The following MAML2 variants were observed in gnomAD, a reference collection of about 807,000 sequenced individuals.
MAML2 encodes the protein mastermind like transcriptional coactivator 2, also known as mastermind-like protein 2.
In MAML2, 22 loss-of-function variants were observed where a neutral mutation model predicts 96.1. That is an observed-to-expected ratio of 0.23 (90% CI 0.16 to 0.33). The LOEUF (loss-of-function observed/expected upper bound fraction) is 0.33, where lower values mean the gene tolerates loss of function less well. Among genes scored for constraint, MAML2 ranks in the 10% least tolerant of loss-of-function variants. The pLI is 1.00. For synonymous variants in MAML2, 561 were observed against 521.3 expected, an observed-to-expected ratio of 1.08 and a Z score of -1.04; for missense variants, 1,367 against 1,392.4, an observed-to-expected ratio of 0.98 and a Z score of 0.29.
chr11:96,247,696 G>A (rs764768404), intron 1 of MAML2, among the ~76,000 whole-genome samples: 2 of 152,098 alleles, frequency 1.3e-5, no homozygotes, highest in East Asian at 1.9e-4. Context: ...ACCCATTCTA[G>A]CACATTCTTC....
At chr11:96,264,784 AG>A (rs978769187) in intron 1 of MAML2, among the ~76,000 whole-genome samples, 1 of 152,252 alleles carries the variant, frequency 6.6e-6, no homozygotes, top group African/African-American at 2.4e-5. Flanking sequence ...AAACGTTGAA[AG>A]GAGTACAAAT....
At position 95,979,043 on chromosome 11, in the gene MAML2, C is replaced by G; in HGVS notation, c.3376G>C (p.Ala1126Pro). The stretch of plus-strand genomic sequence containing the variant: ...TTCAATAAAGAATCAATGAAATCAG[C>G]ATCACTGTTTAGGGCAGGGCCCATG... ...DNMGPALNSDADFIDSLLKTE... is the reference protein window; with the variant it reads ...DNMGPALNSDPDFIDSLLKTE... Residue 1126 changes from alanine to proline, a missense_variant, in exon 5 of 5, where the codon GCT becomes CCT. Transcript: ENST00000524717. 1 of 1,613,960 alleles carries G rather than the reference C, an allele frequency of 6.2e-7. No individual in the cohort carries two copies.
At chr11:96,030,376 T>C (rs1228198762) in intron 2 of MAML2, among the ~76,000 whole-genome samples, 2 of 152,058 alleles carry the variant, frequency 1.3e-5, no homozygotes, top group African/African-American at 4.8e-5. Context: ...ACAATGTGAA[T>C]TGGCTTTGGA....
intron 1 of MAML2, among the ~76,000 whole-genome samples, chr11:96,206,641 T>A (rs980067437): frequency 1.3e-5 from 2 of 152,162 alleles, no homozygotes; most frequent in Non-Finnish European, 2.9e-5. Context: ...GAGTAAAGGT[T>A]CATCAGGAAA....
intron 1 of MAML2, among the ~76,000 whole-genome samples, chr11:96,272,112 C>T (rs1180510453): frequency 6.6e-6 from 1 of 152,162 alleles, no homozygotes; most frequent in East Asian, 1.9e-4. Context: ...CTATTTAAAA[C>T]TGACTCCTTT....
rs533986123 is a variant in MAML2, at chr11:96,256,422, A to C, written c.513+84961T>G. ...AAACGACCACATTTCTTCCTGCCCC[A>C]CACACAGCCTTTGCTCTTCCCTCTG... On this transcript the variant is annotated intron_variant, in intron 1 of 4. Coordinates refer to ENST00000524717, the MANE Select transcript of MAML2 (RefSeq NM_032427.4). Among the ~76,000 whole-genome samples the C allele has an allele frequency of 2.0e-5, 3 of 152,218 alleles. No homozygotes were observed. In the East Asian group the frequency reaches 5.8e-4, roughly 29 times the overall value.
intron 2 of MAML2, among the ~76,000 whole-genome samples, chr11:96,047,693 G>A (rs534179794): frequency 1.1e-4 from 16 of 152,108 alleles, no homozygotes; most frequent in African/African-American, 2.2e-4. Context: ...GGTAGATCAC[G>A]AAGTCACGAG....
intron 2 of MAML2, among the ~76,000 whole-genome samples, chr11:96,021,637 G>A (rs183427912): frequency 1.3e-5 from 2 of 152,308 alleles, no homozygotes; most frequent in East Asian, 3.9e-4. Flanking sequence ...TGGTACAGCG[G>A]CTGGCAATGT....
At chr11:96,245,022 C>G (rs968078255) in intron 1 of MAML2, among the ~76,000 whole-genome samples, 1 of 152,132 alleles carries the variant, frequency 6.6e-6, no homozygotes, top group Admixed American at 6.5e-5. Flanking sequence ...ACTGTAGAAA[C>G]AATGAATAAT....
intron 1 of MAML2, among the ~76,000 whole-genome samples, chr11:96,149,325 G>A (rs139611180): frequency 0.01 from 1,559 of 150,484 alleles, 29 homozygotes; most frequent in African/African-American, 0.036. Context: ...GCTAAGGCAG[G>A]AGAATTGCTT....
chr11:96,187,986 G>T (rs898620177), intron 1 of MAML2, among the ~76,000 whole-genome samples: 1 of 152,118 alleles, frequency 6.6e-6, no homozygotes, highest in Non-Finnish European at 1.5e-5. Context: ...ATGTGGCAGA[G>T]GTATCTTTGG....
intron 2 of MAML2, among the ~76,000 whole-genome samples, chr11:95,999,293 T>G (rs1031749723): frequency 3.3e-5 from 5 of 152,154 alleles, no homozygotes; most frequent in Non-Finnish European, 7.4e-5. Context: ...ATGGTCAATA[T>G]GTGAGAGATC....
intron 1 of MAML2, among the ~76,000 whole-genome samples, chr11:96,182,183 G>A (rs1278897306): frequency 2.1e-5 from 3 of 142,778 alleles, no homozygotes; most frequent in African/African-American, 7.4e-5. Context: ...CTGCCTCCCA[G>A]GTTTTGGTTT....
intron 3 of MAML2, among the ~76,000 whole-genome samples, chr11:95,988,094 C>A (rs189746141): frequency 6.7e-6 from 1 of 149,354 alleles, no homozygotes; most frequent in Non-Finnish European, 1.5e-5. Flanking sequence ...GTGTTTCTAC[C>A]GTTTATACTG....
chr11:96,141,882 G>T (rs1860736199), intron 1 of MAML2, among the ~76,000 whole-genome samples: 2 of 152,240 alleles, frequency 1.3e-5, no homozygotes, highest in Non-Finnish European at 2.9e-5. Context: ...GGCTGTCTCT[G>T]CAGGTGCTAG....
chr11:96,010,440 G>A (rs968776028), intron 2 of MAML2, among the ~76,000 whole-genome samples: 1 of 152,168 alleles, frequency 6.6e-6, no homozygotes, highest in Non-Finnish European at 1.5e-5. Context: ...ACAGGTCCTT[G>A]GGTTAGACAG....
chr11:96,047,225 G>A (rs190631588), intron 2 of MAML2, among the ~76,000 whole-genome samples: 84 of 152,256 alleles, frequency 5.5e-4, no homozygotes, highest in Admixed American at 5.5e-3. Flanking sequence ...TAATTAAATA[G>A]TTGTTCAATG....
At chr11:96,000,845 C>T (rs1361966382) in intron 2 of MAML2, among the ~76,000 whole-genome samples, 1 of 152,134 alleles carries the variant, frequency 6.6e-6, no homozygotes, top group Non-Finnish European at 1.5e-5. Flanking sequence ...AAGAAATAAA[C>T]AGAACAAAGT....
chr11:96,220,712 A>G (rs1227559835), intron 1 of MAML2, among the ~76,000 whole-genome samples: 3 of 152,176 alleles, frequency 2.0e-5, no homozygotes, highest in Non-Finnish European at 4.4e-5. Context: ...AGTAACTTGG[A>G]AAAAAGTACA....
Sources: allele counts gnomAD v4.1 joint callset (sites outside exome capture counted in the v4.1 genomes callset), GRCh38; gene constraint gnomAD v4.1.1; transcripts MANE v1.5; gene names NCBI Gene and HGNC (gene_info 2026-07-23, HGNC 2026-07-21).